The following ATP9B variants were observed in gnomAD, a reference collection of about 807,000 sequenced individuals.
ATP9B encodes the protein probable phospholipid-transporting ATPase IIB.
In ATP9B, 110 loss-of-function variants were observed where a neutral mutation model predicts 146.1. The observed-to-expected ratio is 0.75, with a 90% CI of 0.65 to 0.88. ATP9B has a LOEUF of 0.88. Ranked by LOEUF, ATP9B falls within the 40% of genes least tolerant of loss-of-function variation. The probability of loss-of-function intolerance (pLI) is 0.00; values close to 1 mark genes in which losing one functional copy is unlikely to be tolerated. For missense variants in ATP9B, 1,499 were observed against 1,496.4 expected (o/e 1.00, Z -0.03); for synonymous variants, 604 against 569.7 (o/e 1.06, Z -0.86).
intron 1 of ATP9B, chr18:79,078,051 C>G (rs556789220): frequency 1.3e-5 from 2 of 152,410 alleles, no homozygotes; most frequent in Non-Finnish European, 1.5e-5. Flanking sequence ...TGTCCCCACT[C>G]CTGACTTGGT....
At chr18:79,208,231 C>T (rs550313638) in intron 10 of ATP9B, among the ~76,000 whole-genome samples, 8 of 152,206 alleles carry the variant, frequency 5.3e-5, no homozygotes, top group African/African-American at 1.9e-4. Context: ...GGCGACAGAG[C>T]GAGATGCCAT....
intron 11 of ATP9B, among the ~76,000 whole-genome samples, chr18:79,227,169 C>T (rs1471589344): frequency 2.0e-5 from 3 of 152,224 alleles, no homozygotes; most frequent in Non-Finnish European, 2.9e-5. Context: ...ATGAACCCAT[C>T]ATTTTTTTAG....
intron 1 of ATP9B, among the ~76,000 whole-genome samples, chr18:79,089,440 C>A (rs2074128453): frequency 6.6e-6 from 1 of 152,114 alleles, no homozygotes. Context: ...GCCCACTGTG[C>A]ACGTGCCCAG....
chr18:79,371,903 C>T (rs1480310066), intron 26 of ATP9B, among the ~76,000 whole-genome samples: 1 of 152,262 alleles, frequency 6.6e-6, no homozygotes, highest in Non-Finnish European at 1.5e-5. Context: ...TTAGCACCAC[C>T]AGCCTCCAGC....
At chr18:79,344,933 C>G (rs2096878140) in intron 21 of ATP9B, among the ~76,000 whole-genome samples, 1 of 152,226 alleles carries the variant, frequency 6.6e-6, no homozygotes, top group Non-Finnish European at 1.5e-5. Flanking sequence ...GGAACTGTGG[C>G]ACCGGGGCTG....
chr18:79,375,442 A>T lies in ATP9B; in HGVS notation c.3307+16A>T, dbSNP rs759373265. The T allele has an allele frequency of 6.2e-7, 1 of 1,611,512 alleles. No homozygotes were observed. Among genetic ancestry groups the T allele is most frequent in the Non-Finnish European group, 8.5e-7 (1 of 1,177,820 alleles). ...GCTTTCTTAGGTAGGTAAAGTTATC[A>T]TTTCTTTCAAAAGTGTAGAAATTTA... On this transcript the variant is annotated intron_variant, in intron 29 of 29. Coordinates refer to ENST00000426216, the MANE Select transcript of ATP9B (RefSeq NM_198531.5).
intron 4 of ATP9B, among the ~76,000 whole-genome samples, chr18:79,116,940 T>TAA (rs377608135): frequency 2.5e-4 from 27 of 106,816 alleles, no homozygotes; most frequent in African/African-American, 3.6e-4. Context: ...AAAAAAAAAT[T>TAA]AAAAAAAAAA....
chr18:79,213,921 T>C (rs771857622), intron 10 of ATP9B, 41 bp from the exon 11 acceptor site: 1 of 1,431,386 alleles, frequency 7.0e-7, no homozygotes, highest in Non-Finnish European at 9.6e-7. Flanking sequence ...TTTACTCATC[T>C]TTAAAGTATT....
At chr18:79,232,540 G>C (rs906986377) in intron 11 of ATP9B, among the ~76,000 whole-genome samples, 27 of 152,334 alleles carry the variant, frequency 1.8e-4, no homozygotes, top group Admixed American at 3.3e-4. Context: ...GTTTACTTCA[G>C]CTCCTATTAT....
intron 15 of ATP9B, among the ~76,000 whole-genome samples, chr18:79,314,388 A>G (rs771292734): frequency 5.9e-5 from 9 of 152,254 alleles, no homozygotes; most frequent in East Asian, 1.9e-4. Context: ...AGGAGAAACA[A>G]TCTTTCTCCT....
chr18:79,084,087 G>A (rs1236592462), intron 1 of ATP9B, among the ~76,000 whole-genome samples: 1 of 151,560 alleles, frequency 6.6e-6, no homozygotes, highest in Admixed American at 6.6e-5. Context: ...TTGATCTCCG[G>A]ACTTCATGAT....
intron 17 of ATP9B, chr18:79,332,741 A>G (rs1240520585): frequency 2.0e-5 from 3 of 152,246 alleles, no homozygotes; most frequent in Admixed American, 6.5e-5. Context: ...ATTGGGAACG[A>G]CAGGAGGTAT....
In ATP9B at chr18:79,131,513, A is replaced by G. The variant is rs1031959780; in HGVS notation, c.667+5138A>G. 3.3e-5 allele frequency among the ~76,000 whole-genome samples: 5 copies of G among 152,218 alleles called. 1 individual carries two copies. The South Asian group carries it at 6.2e-4, about 19-fold the overall frequency. ...ACTAGGTTGGCTGTAATTTTAAAAT[A>G]TAGAATATCGAGTGCTGGAGAGGAT... On this transcript the variant is annotated intron_variant, in intron 5 of 29. Coordinates refer to ENST00000426216, the MANE Select transcript of ATP9B (RefSeq NM_198531.5).
chr18:79,273,953 T>C (rs1197174747), intron 12 of ATP9B, among the ~76,000 whole-genome samples: 2 of 152,252 alleles, frequency 1.3e-5, no homozygotes, highest in African/African-American at 2.4e-5. Flanking sequence ...GATAATTTAT[T>C]TCATTTTTCA....
chr18:79,359,291 T>C, intron 25 of ATP9B, 63 bp from the exon 26 acceptor site: 1 of 1,260,438 alleles, frequency 7.9e-7, no homozygotes, highest in African/African-American at 1.5e-5. Context: ...AATCCAGAGG[T>C]CTGTTTCTAG....
intron 15 of ATP9B, among the ~76,000 whole-genome samples, chr18:79,325,782 C>G (rs1014357162): frequency 1.3e-5 from 2 of 152,190 alleles, no homozygotes. Context: ...CCCACTTGCA[C>G]GCAGCATCTC....
At chr18:79,125,622 A>C (rs1418544089) in intron 4 of ATP9B, among the ~76,000 whole-genome samples, 2 of 152,240 alleles carry the variant, frequency 1.3e-5, no homozygotes, top group Non-Finnish European at 2.9e-5. Context: ...ATATATATGC[A>C]GCCTTTAAAA....
At chr18:79,193,726 C>A (rs566350702) in intron 9 of ATP9B, among the ~76,000 whole-genome samples, 3 of 152,264 alleles carry the variant, frequency 2.0e-5, no homozygotes, top group African/African-American at 7.2e-5. Context: ...CTGGAAGCAC[C>A]TTGCCCCTGA....
chr18:79,097,884 A>G (rs1255006028), intron 2 of ATP9B, among the ~76,000 whole-genome samples: 3 of 150,756 alleles, frequency 2.0e-5, no homozygotes, highest in Non-Finnish European at 2.9e-5. Flanking sequence ...TCATTTGGGT[A>G]TATACCCAGT....
Sources: gnomAD v4.1 joint callset for allele counts (sites outside exome capture counted in the v4.1 genomes callset) on GRCh38, gnomAD v4.1.1 for gene constraint, MANE v1.5 for transcripts, NCBI Gene and HGNC (gene_info 2026-07-23, HGNC 2026-07-21) for gene names.